IL1RAPL1: variants seen among roughly 807,000 people sequenced by gnomAD.
IL1RAPL1 encodes interleukin 1 receptor accessory protein like 1, also known as interleukin-1 receptor accessory protein-like 1.
A neutral mutation model predicts 48.4 loss-of-function variants in IL1RAPL1; 3 were observed. The observed-to-expected ratio is 0.06, with a 90% CI of 0.03 to 0.16. The LOEUF is 0.16. IL1RAPL1 is among the 10% of genes least tolerant of loss of function. IL1RAPL1 has a pLI of 1.00. For missense variants in IL1RAPL1, 349 were observed against 530.6 expected (o/e 0.66, Z 3.36); for synonymous variants, 185 against 187.7 (o/e 0.99, Z 0.12).
At chrX:29,447,012 T>G (rs528032123) in intron 5 of IL1RAPL1, among the ~76,000 whole-genome samples, 9 of 111,941 alleles carry the variant, frequency 8.0e-5, no homozygotes, top group East Asian at 2.8e-4. Flanking sequence ...ATATCCATCT[T>G]TTTATTCTTA....
intron 1 of IL1RAPL1, among the ~76,000 whole-genome samples, chrX:28,675,388 A>G (rs1464136272): frequency 1.8e-5 from 2 of 111,233 alleles, no homozygotes; most frequent in African/African-American, 6.6e-5. Context: ...CTGTGTCTCT[A>G]ACTTGTCATG....
chrX:29,188,761 A>G (rs892128275), intron 2 of IL1RAPL1, among the ~76,000 whole-genome samples: 3 of 108,445 alleles, frequency 2.8e-5, no homozygotes, highest in Non-Finnish European at 5.7e-5. Flanking sequence ...TAATTTTTTT[A>G]TTTTTAGTAG....
intron 3 of IL1RAPL1, among the ~76,000 whole-genome samples, chrX:29,374,167 G>A (rs759081999): frequency 2.8e-4 from 29 of 105,152 alleles, no homozygotes; most frequent in Non-Finnish European, 5.0e-4. Context: ...GTTAGGGAGG[G>A]GACCTTCCTC....
intron 2 of IL1RAPL1, among the ~76,000 whole-genome samples, chrX:29,236,025 A>C (rs1200141870): frequency 8.9e-6 from 1 of 112,334 alleles, no homozygotes; most frequent in African/African-American, 3.2e-5. Flanking sequence ...AGCATCAAAC[A>C]AGCACACACA....
chrX:29,881,686 TACAA>T (rs943207952), intron 6 of IL1RAPL1, among the ~76,000 whole-genome samples: 3 of 111,576 alleles, frequency 2.7e-5, no homozygotes, highest in African/African-American at 9.7e-5. Flanking sequence ...TCCTGTGAGT[TACAA>T]ACAAACAACT....
chrX:29,465,636 G>T (rs1389402888), intron 5 of IL1RAPL1, among the ~76,000 whole-genome samples: 1 of 110,763 alleles, frequency 9.0e-6, no homozygotes, highest in African/African-American at 3.3e-5. Context: ...GGTACAGAAT[G>T]GGCATTGGGA....
chrX:28,630,472 C>T (rs1254335283), intron 1 of IL1RAPL1, among the ~76,000 whole-genome samples: 1 of 111,377 alleles, frequency 9.0e-6, no homozygotes, highest in Non-Finnish European at 1.9e-5. Flanking sequence ...CACAAGACTC[C>T]ATTATCATTC....
Position 29,802,992 on chromosome X carries a change from T to TATACATATATGTGTAC in IL1RAPL1, c.779-114469_779-114468insCATATATGTGTACATA, listed in dbSNP as rs1569173310. On this transcript the variant is annotated intron_variant, in intron 6 of 10. Coordinates refer to ENST00000378993, the MANE Select transcript of IL1RAPL1 (RefSeq NM_014271.4). ...ACATATATACATACATGTGTACATA[T>TATACATATATGTGTAC]ATATGTATGCATATATACATATGTG... Among the ~76,000 whole-genome samples the TATACATATATGTGTAC allele has an allele frequency of 5.8e-4, 34 of 58,763 alleles. 1 individual carries two copies. The highest frequency in any genetic ancestry group is 2.1e-3 in the African/African-American group (27 of 13,001). The allele number at this position is 58,763 out of a possible 115,157, so 51.0% of individuals were successfully genotyped here.
At chrX:29,093,566 T>C (rs1231214815) in intron 2 of IL1RAPL1, among the ~76,000 whole-genome samples, 1 of 111,485 alleles carries the variant, frequency 9.0e-6, no homozygotes, top group Non-Finnish European at 1.9e-5. Flanking sequence ...TAGAAAGACA[T>C]GTTCTCAGGA....
intron 1 of IL1RAPL1, among the ~76,000 whole-genome samples, chrX:28,663,426 C>G (rs961574448): frequency 8.9e-6 from 1 of 112,296 alleles, no homozygotes; most frequent in African/African-American, 3.2e-5. Context: ...TTATAGGAAT[C>G]TGACTGAGTA....
intron 6 of IL1RAPL1, among the ~76,000 whole-genome samples, chrX:29,883,346 T>C (rs192054141): frequency 9.0e-6 from 1 of 111,321 alleles, no homozygotes; most frequent in East Asian, 2.8e-4. Flanking sequence ...TCAGCCTAAA[T>C]GCTGCTTTCA....
At chrX:29,560,803 T>A (rs1054826298) in intron 5 of IL1RAPL1, among the ~76,000 whole-genome samples, 1 of 112,375 alleles carries the variant, frequency 8.9e-6, no homozygotes, top group South Asian at 3.6e-4. Flanking sequence ...TGTACCTCAC[T>A]GAGCTTTTTG....
At chrX:29,429,157 C>T (rs1448800977) in intron 5 of IL1RAPL1, among the ~76,000 whole-genome samples, 1 of 111,819 alleles carries the variant, frequency 8.9e-6, no homozygotes, top group Non-Finnish European at 1.9e-5. Flanking sequence ...TCCAAAACTT[C>T]AGTACACACA....
At chrX:29,951,236 G>A (rs1933314287) in intron 9 of IL1RAPL1, among the ~76,000 whole-genome samples, 1 of 111,939 alleles carries the variant, frequency 8.9e-6, no homozygotes, top group Admixed American at 9.5e-5. Context: ...ATAAACTTGA[G>A]CATCTACTAA....
intron 5 of IL1RAPL1, among the ~76,000 whole-genome samples, chrX:29,552,801 CCTTTTTTT>C (rs1275141596): frequency 1.6e-5 from 1 of 61,853 alleles, no homozygotes; most frequent in African/African-American, 6.1e-5. Flanking sequence ...TTTTCACTCT[CCTTTTTTT>C]TTTTTTTTTT....
At chrX:28,633,130 G>A (rs1316976109) in intron 1 of IL1RAPL1, among the ~76,000 whole-genome samples, 2 of 110,779 alleles carry the variant, frequency 1.8e-5, no homozygotes, top group African/African-American at 3.3e-5. Flanking sequence ...CTCAGGTGTC[G>A]TGCCCACCTT....
At chrX:28,638,603 A>C (rs1268795693) in intron 1 of IL1RAPL1, among the ~76,000 whole-genome samples, 1 of 109,500 alleles carries the variant, frequency 9.1e-6, no homozygotes, top group East Asian at 2.8e-4. Context: ...CTTCTCACTT[A>C]ATTTTATTTC....
At chrX:28,861,926 A>G (rs1237244356) in intron 2 of IL1RAPL1, among the ~76,000 whole-genome samples, 1 of 111,681 alleles carries the variant, frequency 9.0e-6, no homozygotes, top group Admixed American at 9.5e-5. Context: ...ACATTTTTCT[A>G]AATGCAAGTT....
At chrX:29,907,956 A>AGAGT (rs1480961587) in intron 6 of IL1RAPL1, among the ~76,000 whole-genome samples, 1 of 111,710 alleles carries the variant, frequency 9.0e-6, no homozygotes, top group Non-Finnish European at 1.9e-5. Context: ...AACTAACTAC[A>AGAGT]GAGTTTCTTC....
Sources: allele counts gnomAD v4.1 joint callset (sites outside exome capture counted in the v4.1 genomes callset), GRCh38; gene constraint gnomAD v4.1.1; transcripts MANE v1.5; gene names NCBI Gene and HGNC (gene_info 2026-07-23, HGNC 2026-07-21).